Variants in PRR7 observed in about 807,000 individuals in gnomAD.
PRR7 encodes the protein proline-rich protein 7.
In PRR7, 8 loss-of-function variants were observed where a neutral mutation model predicts 18.5. The ratio of observed to expected loss-of-function variants is 0.43; its 90% CI spans 0.25 to 0.78. The LOEUF (loss-of-function observed/expected upper bound fraction) is 0.78. Ranked by LOEUF, PRR7 falls within the 30% of genes least tolerant of loss-of-function variation. The pLI is 0.22. For synonymous variants in PRR7, 221 were observed against 187.7 expected, an observed-to-expected ratio of 1.18 and a Z score of -1.45; for missense variants, 396 against 403.1, an observed-to-expected ratio of 0.98 and a Z score of 0.15.
chr5:177,453,361 T>G (rs1164808488), intron 1 of PRR7, among the ~76,000 whole-genome samples: 1 of 152,152 alleles, frequency 6.6e-6, no homozygotes, highest in Non-Finnish European at 1.5e-5. Context: ...AGCATCGTGT[T>G]TTTATCTGGG....
Position 177,456,210 on chromosome 5 carries a change from CGGGGGGAGGGA to C in PRR7, c.*93_*103del. On this transcript the variant is annotated 3_prime_UTR_variant, in exon 4 of 4. Transcript: ENST00000323249. ...TGCTTCCCTGGACTGCGGGGAGGGG[CGGGGGGAGGGA>C]GGGATTTCTTATCCCGTTTGTTACA... 1 of 1,156,494 alleles carries C rather than the reference CGGGGGGAGGGA, an allele frequency of 8.6e-7. No individual in the cohort carries two copies. The highest frequency in any genetic ancestry group is 1.1e-6 in the Non-Finnish European group (1 of 897,948). The allele number at this position is 1,156,494 out of a possible 1,614,324, so 71.6% of individuals were successfully genotyped here.
Position 177,455,629 on chromosome 5 carries a change from G to C in PRR7, c.428-95G>C, listed in dbSNP as rs1268420770. ...CGGGCGGCGGCGGGCTCGGGTTCGG[G>C]CTAGGGCTGGGGCGCGGGCGGCCCC... On this transcript the variant is annotated intron_variant, in intron 3 of 3. Coordinates refer to ENST00000323249, the MANE Select transcript of PRR7 (RefSeq NM_030567.5). The surrounding 1 kb of genome is among the most constrained non-coding windows in gnomAD (Gnocchi z 6.9). 1 of 1,419,242 alleles carries C rather than the reference G, an allele frequency of 7.0e-7. No homozygotes were observed. The highest frequency in any genetic ancestry group is 9.2e-7 in the Non-Finnish European group (1 of 1,086,010). 87.9% of individuals were successfully genotyped at this position (1,419,242 alleles called of 1,614,324 possible).
intron 1 of PRR7, among the ~76,000 whole-genome samples, chr5:177,453,177 G>T (rs1203284761): frequency 2.6e-5 from 4 of 152,212 alleles, no homozygotes; most frequent in Non-Finnish European, 4.4e-5. Context: ...GTCCTTGAAA[G>T]ATATTTCTAA....
Position 177,454,280 on chromosome 5 carries a change from C to T in PRR7, c.-240+240C>T, listed in dbSNP as rs1756287819. ...AGGGCCGGTGGCACGCATTACCAGT[C>T]GGAGCCACCCGCCTGAGCCCCCCTA... On this transcript the variant is annotated intron_variant, in intron 2 of 3. Transcript: ENST00000323249. This position sits in a 1 kb window ranked among gnomAD's most constrained non-coding sequence, Gnocchi z 4.7. Among the ~76,000 whole-genome samples the T allele has an allele frequency of 6.6e-6, 1 of 152,184 alleles. No homozygotes were observed. Among genetic ancestry groups the T allele is most frequent in the Non-Finnish European group, 1.5e-5 (1 of 68,016 alleles).
rs755501568 is a variant in PRR7, at chr5:177,455,710, C to T, written c.428-14C>T. The T allele has an allele frequency of 2.6e-6, 4 of 1,566,424 alleles. No individual in the cohort carries two copies. In the African/African-American group the frequency reaches 5.5e-5, roughly 21 times the overall value. On this transcript the variant is annotated splice_polypyrimidine_tract_variant and intron_variant, in intron 3 of 3. Transcript: ENST00000323249. This position sits in a 1 kb window ranked among gnomAD's most constrained non-coding sequence, Gnocchi z 6.9. ...CGGCGGCCTCACCTCCTCCGACCGC[C>T]TCCCACTCCGCAGCGGAATCGGACA...
Position 177,454,850 on chromosome 5 carries a change from G to C in PRR7, c.-218G>C, listed in dbSNP as rs1467418819. The C allele has an allele frequency of 2.3e-6, 1 of 432,342 alleles. No individual in the cohort carries two copies. The highest frequency in any genetic ancestry group is 3.6e-6 in the Non-Finnish European group (1 of 281,260). The allele number at this position is 432,342 out of a possible 1,614,324, so 26.8% of individuals were successfully genotyped here. A position where few individuals can be genotyped will look rare whatever the true frequency, so the allele number is the denominator to read the frequency against. On this transcript the variant is annotated 5_prime_UTR_variant, in exon 3 of 4. Transcript: ENST00000323249. The surrounding 1 kb of genome is among the most constrained non-coding windows in gnomAD (Gnocchi z 4.7). ...ACAGGTCCCGCGCGGCCCCGGGTGA[G>C]GCACGCCCGCGCGCCCGCCGGCGCC...
chr5:177,453,367 C>A (rs1386533832), intron 1 of PRR7, among the ~76,000 whole-genome samples: 2 of 152,178 alleles, frequency 1.3e-5, no homozygotes, highest in East Asian at 3.8e-4. Context: ...GTGTTTTTAT[C>A]TGGGCTGCGT....
rs1173438913 is a variant in PRR7, at chr5:177,446,877, C to G, written c.-408C>G. On this transcript the variant is annotated 5_prime_UTR_variant, in exon 1 of 4. Coordinates refer to ENST00000323249, the MANE Select transcript of PRR7 (RefSeq NM_030567.5). This position sits in a 1 kb window ranked among gnomAD's most constrained non-coding sequence, Gnocchi z 5.3. Reference sequence around the variant, plus strand: ...CTCCCCCGGGCCGCCGCCGCCTCCCCCCGCAGGCCCGGGGCTCTGTCCGCT... The same window carrying G: ...CTCCCCCGGGCCGCCGCCGCCTCCCGCCGCAGGCCCGGGGCTCTGTCCGCT... 6.6e-6 allele frequency: 1 copy of G among 151,832 alleles called. No individual in the cohort carries two copies. Among genetic ancestry groups the G allele is most frequent in the East Asian group, 1.9e-4 (1 of 5,176 alleles). The allele number at this position is 151,832 out of a possible 1,614,324, so 9.4% of individuals were successfully genotyped here. A position where few individuals can be genotyped will look rare whatever the true frequency, so the allele number is the denominator to read the frequency against.
Position 177,455,270 on chromosome 5 carries a change from G to GC in PRR7, c.209dup (p.Leu72ProfsTer11). The GC allele has an allele frequency of 3.9e-6, 6 of 1,521,990 alleles. No homozygotes were observed. Among genetic ancestry groups the GC allele is most frequent in the Admixed American group, 2.0e-5 (1 of 49,408 alleles). The allele number at this position is 1,521,990 out of a possible 1,614,324, so 94.3% of individuals were successfully genotyped here. ...GAACTCGAGGGCAGTCTGGCCGGGA[G>GC]CCCCCCGGGCCTGGCGCCGCCGCAG... On this transcript the variant is annotated frameshift_variant, in exon 3 of 4. Coordinates refer to ENST00000323249, the MANE Select transcript of PRR7 (RefSeq NM_030567.5). LOFTEE classifies it high-confidence loss of function. The surrounding 1 kb of genome is among the most constrained non-coding windows in gnomAD (Gnocchi z 6.9).
chr5:177,455,570 C>G lies in PRR7; in HGVS notation c.427+76C>G. On this transcript the variant is annotated intron_variant, in intron 3 of 3. Coordinates refer to ENST00000323249, the MANE Select transcript of PRR7 (RefSeq NM_030567.5). This position sits in a 1 kb window ranked among gnomAD's most constrained non-coding sequence, Gnocchi z 6.9. ...GGCGTTGGAGGGCTCGCTGCTTACC[C>G]TCAGGGCTTCCATCCGCAGCCTCCG... 1 of 1,419,644 alleles carries G rather than the reference C, an allele frequency of 7.0e-7. No homozygotes were observed. The highest frequency in any genetic ancestry group is 9.1e-7 in the Non-Finnish European group (1 of 1,094,428). 87.9% of individuals were successfully genotyped at this position (1,419,644 alleles called of 1,614,324 possible).
At chr5:177,453,738 C>G (rs1171822134) in intron 1 of PRR7, among the ~76,000 whole-genome samples, 2 of 130,948 alleles carry the variant, frequency 1.5e-5, no homozygotes, top group Admixed American at 7.4e-5. Context: ...GGCCTGGGTT[C>G]AAATTATGGT....
rs1343914458 is a variant in PRR7 at position 177,449,570 on chromosome 5, A to G, written c.-325+2610A>G. Among the ~76,000 whole-genome samples the G allele has an allele frequency of 1.3e-5, 2 of 152,176 alleles. No individual in the cohort carries two copies. Among genetic ancestry groups the G allele is most frequent in the East Asian group, 3.8e-4 (2 of 5,196 alleles). ...GCCGCCTCCCCTGGGAGGTCAGATC[A>G]TTATTTCCATGCCAGCTGCGGGGAT... On this transcript the variant is annotated intron_variant, in intron 1 of 3. Coordinates refer to ENST00000323249, the MANE Select transcript of PRR7 (RefSeq NM_030567.5). This position sits in a 1 kb window ranked among gnomAD's most constrained non-coding sequence, Gnocchi z 4.2.
At chr5:177,453,429 T>C (rs1244224718) in intron 1 of PRR7, among the ~76,000 whole-genome samples, 2 of 152,184 alleles carry the variant, frequency 1.3e-5, no homozygotes, top group Non-Finnish European at 2.9e-5. Flanking sequence ...AGAGCTATGG[T>C]TCCTGCCATT....
Position 177,454,921 on chromosome 5 carries a change from C to A in PRR7, c.-147C>A. On this transcript the variant is annotated 5_prime_UTR_variant, in exon 3 of 4. Transcript: ENST00000323249. This position sits in a 1 kb window ranked among gnomAD's most constrained non-coding sequence, Gnocchi z 4.7. Reference sequence around the variant, plus strand: ...CTGCTGTCCCCCGCCGGCGCGCGCACGACTTGAGACCTGCCACGGGCAGCC... The same window carrying A: ...CTGCTGTCCCCCGCCGGCGCGCGCAAGACTTGAGACCTGCCACGGGCAGCC... 8.9e-7 allele frequency: 1 copy of A among 1,127,418 alleles called. No homozygotes were observed. Among genetic ancestry groups the A allele is most frequent in the Non-Finnish European group, 1.1e-6 (1 of 892,104 alleles). 69.8% of individuals were successfully genotyped at this position (1,127,418 alleles called of 1,614,324 possible).
Position 177,455,363 on chromosome 5 carries a change from A to T in PRR7, c.296A>T (p.His99Leu). Residue 99 changes from histidine to leucine, a missense_variant, in exon 3 of 4, where the codon CAC (histidine) becomes CTC (leucine). Coordinates refer to ENST00000323249, the MANE Select transcript of PRR7 (RefSeq NM_030567.5). The surrounding 1 kb of genome is among the most constrained non-coding windows in gnomAD (Gnocchi z 6.9). ...HAHSHPHVHV[H>L]PLLHHGPAQP... ...CACTCGCATCCGCACGTGCACGTGC[A>T]CCCGCTGCTGCACCACGGGCCCGCG... 1 of 1,495,162 alleles carries T rather than the reference A, an allele frequency of 6.7e-7. No homozygotes were observed. The highest frequency in any genetic ancestry group is 8.9e-7 in the Non-Finnish European group (1 of 1,129,620). 92.6% of individuals were successfully genotyped at this position (1,495,162 alleles called of 1,614,324 possible). A position where few individuals can be genotyped will look rare whatever the true frequency, so the allele number is the denominator to read the frequency against.
chr5:177,452,551 C>G (rs1372074418), intron 1 of PRR7, among the ~76,000 whole-genome samples: 1 of 152,204 alleles, frequency 6.6e-6, no homozygotes, highest in Non-Finnish European at 1.5e-5. Context: ...ATTCCAGTCC[C>G]GTGGGCCTGC....
intron 1 of PRR7, among the ~76,000 whole-genome samples, chr5:177,448,580 GAGA>G (rs1016228973): frequency 4.6e-5 from 7 of 152,332 alleles, no homozygotes; most frequent in African/African-American, 1.4e-4. Flanking sequence ...TGTAACCCAG[GAGA>G]AGAACTGTAG....
Position 177,455,434 on chromosome 5 carries a change from C to CCGCACCCGCCGCCTA in PRR7, c.374_388dup (p.Pro125_His129dup). The stretch of plus-strand genomic sequence containing the variant: ...CCCACACCCGCACCACCACGCGCTC[C>CCGCACCCGCCGCCTA]CGCACCCGCCGCCTACGCACCTGTC... On this transcript the variant is annotated inframe_insertion, in exon 3 of 4. Transcript: ENST00000323249. This position sits in a 1 kb window ranked among gnomAD's most constrained non-coding sequence, Gnocchi z 6.9. 6.6e-7 allele frequency: 1 copy of CCGCACCCGCCGCCTA among 1,506,792 alleles called. No individual in the cohort carries two copies. The allele number at this position is 1,506,792 out of a possible 1,614,324, so 93.3% of individuals were successfully genotyped here.
intron 1 of PRR7, among the ~76,000 whole-genome samples, chr5:177,447,272 C>A (rs896390323): frequency 6.6e-6 from 1 of 152,116 alleles, no homozygotes; most frequent in South Asian, 2.1e-4. Flanking sequence ...CCTCCCCCCT[C>A]CCCCGACGCG....
Sources: gnomAD v4.1 joint callset for allele counts (sites outside exome capture counted in the v4.1 genomes callset) on GRCh38, gnomAD v4.1.1 for gene constraint, Gnocchi (gnomAD v3.1) non-coding constraint, MANE v1.5 for transcripts, NCBI Gene and HGNC (gene_info 2026-07-23, HGNC 2026-07-21) for gene names.